The following EVA1A variants were observed in gnomAD, a reference collection of about 807,000 sequenced individuals.
The protein encoded by EVA1A is eva-1 homolog A, regulator of programmed cell death, also known as protein eva-1 homolog A.
EVA1A carries 7 observed loss-of-function variants against 9.8 expected under a neutral mutation model. The observed-to-expected ratio is 0.71, with a 90% CI of 0.41 to 1.34. The LOEUF (loss-of-function observed/expected upper bound fraction) is 1.34, where lower values mean the gene tolerates loss of function less well. Among genes scored for constraint, EVA1A ranks in the 40% most tolerant of loss-of-function variants. The pLI is 0.01. For synonymous variants in EVA1A, 90 were observed against 85.6 expected (o/e 1.05, Z -0.28); for missense variants, 206 against 205.9 (o/e 1.00, Z 0.00).
At chr2:75,534,036 T>C (rs1675782421) in intron 1 of EVA1A, among the ~76,000 whole-genome samples, 1 of 151,936 alleles carries the variant, frequency 6.6e-6, no homozygotes, top group African/African-American at 2.4e-5. Flanking sequence ...ATGGTCTCGA[T>C]CTCCTGACTT....
rs779829273 is a variant in EVA1A, at chr2:75,493,245, G to A, written c.450C>T (p.Arg150=). The A allele has an allele frequency of 2.5e-6, 4 of 1,611,514 alleles. No homozygotes were observed. Among genetic ancestry groups the A allele is most frequent in the Non-Finnish European group, 3.4e-6 (4 of 1,178,672 alleles). ...GGGGTCCTGCTGCTCCCTAATAGTAGCGATTCAGGCTCCTGGTCCCGGGCA... is the reference window on the plus strand; with the variant it reads ...GGGGTCCTGCTGCTCCCTAATAGTAACGATTCAGGCTCCTGGTCCCGGGCA... ...PEVPGTRSLN[R]YY is the part of the protein sequence containing the mutation. Residue 150 remains arginine, a synonymous_variant, in exon 4 of 4, where the codon CGC becomes CGT. Transcript: ENST00000393913.
chr2:75,543,517 GA>G (rs796911668), intron 1 of EVA1A, among the ~76,000 whole-genome samples: 2 of 147,670 alleles, frequency 1.4e-5, no homozygotes, highest in African/African-American at 2.5e-5. Flanking sequence ...GTGAGTGGGT[GA>G]AAAAAAAACA....
chr2:75,499,758 C>T (rs1475750758), intron 3 of EVA1A, among the ~76,000 whole-genome samples: 1 of 152,138 alleles, frequency 6.6e-6, no homozygotes, highest in Non-Finnish European at 1.5e-5. Context: ...TCAGGGAGCC[C>T]AGGTTGCTGC....
At chr2:75,527,532 C>A (rs73938947) in intron 1 of EVA1A, among the ~76,000 whole-genome samples, 1 of 152,204 alleles carries the variant, frequency 6.6e-6, no homozygotes. Flanking sequence ...GAACTCCCAT[C>A]CCCATCCAGC....
upstream of EVA1A, among the ~76,000 whole-genome samples, chr2:75,561,802 G>A (rs1348238936): frequency 6.6e-6 from 1 of 152,172 alleles, no homozygotes; most frequent in Non-Finnish European, 1.5e-5. Context: ...GGAACAGGGA[G>A]GAAAATATTG....
In EVA1A at chr2:75,493,462, C is replaced by G; in HGVS notation, c.233G>C (p.Ser78Thr). The G allele has an allele frequency of 6.2e-7, 1 of 1,614,256 alleles. No individual in the cohort carries two copies. Among genetic ancestry groups the G allele is most frequent in the East Asian group, 2.2e-5 (1 of 44,884 alleles). Residue 78 changes from serine to threonine, a missense_variant, in exon 4 of 4, where the codon AGC (serine) becomes ACC (threonine). Transcript: ENST00000393913. ...GKKFLQDRESSSDSSDSEDGS... is the reference protein window; with the variant it reads ...GKKFLQDRESTSDSSDSEDGS... ...ATCCTCGCTGTCGCTGCTGTCGCTG[C>G]TGCTCTCTCTGTCCTGCAGGAACTT... is the stretch of plus-strand genomic sequence containing the variant.
intron 1 of EVA1A, among the ~76,000 whole-genome samples, chr2:75,525,493 G>C (rs1381581584): frequency 2.0e-5 from 3 of 152,212 alleles, no homozygotes; most frequent in Admixed American, 6.5e-5. Flanking sequence ...TCAGCTTTGT[G>C]CTTCTAACGA....
At chr2:75,569,080 C>G (rs1677078858) in intron 1 of EVA1A, among the ~76,000 whole-genome samples, 1 of 152,180 alleles carries the variant, frequency 6.6e-6, no homozygotes, top group African/African-American at 2.4e-5. Context: ...ACTTTCCCAT[C>G]AGCAGTGTAA....
intron 1 of EVA1A, among the ~76,000 whole-genome samples, chr2:75,544,234 C>T (rs1337818959): frequency 1.3e-5 from 2 of 152,208 alleles, no homozygotes; most frequent in Non-Finnish European, 2.9e-5. Flanking sequence ...AGCAAGTACA[C>T]TACCATCACC....
In EVA1A at chr2:75,530,892, G is replaced by A. The variant is rs182727785; in HGVS notation, c.-191-8405C>T. 1.6e-3 allele frequency among the ~76,000 whole-genome samples: 246 copies of A among 151,450 alleles called. 2 individuals are homozygous for A. Among genetic ancestry groups the A allele is most frequent in the Non-Finnish European group, 2.7e-3 (186 of 67,822 alleles). The stretch of plus-strand genomic sequence containing the variant: ...ACTTCAATTAAACATAGTACTGGAA[G>A]TCCTAGCCAGAGCAATCAGAAACAG... On this transcript the variant is annotated intron_variant, in intron 1 of 3. Transcript: ENST00000393913.
chr2:75,544,961 A>G (rs1676275834), intron 1 of EVA1A, among the ~76,000 whole-genome samples: 1 of 152,230 alleles, frequency 6.6e-6, no homozygotes, highest in Admixed American at 6.5e-5. Context: ...GAATGTCATG[A>G]GGCTACAGTG....
chr2:75,527,942 A>G (rs1675510402), intron 1 of EVA1A, among the ~76,000 whole-genome samples: 3 of 152,228 alleles, frequency 2.0e-5, no homozygotes, highest in Admixed American at 1.3e-4. Flanking sequence ...AGGGGAGGAA[A>G]GTCTGCCTCT....
Position 75,510,342 on chromosome 2 carries a change from G to T in EVA1A, c.85+7714C>A, listed in dbSNP as rs184292581. 4.6e-5 allele frequency among the ~76,000 whole-genome samples: 7 copies of T among 152,224 alleles called. No homozygotes were observed. The East Asian group carries it at 1.3e-3, about 29-fold the overall frequency. ...TATATTCATTCTATAAACATTTACT[G>T]CAAGTCTCCAATGCCTTGGGCATAG... On this transcript the variant is annotated intron_variant, in intron 3 of 3. Transcript: ENST00000393913.
upstream of EVA1A, among the ~76,000 whole-genome samples, chr2:75,564,711 C>T (rs1676994641): frequency 6.6e-6 from 1 of 152,204 alleles, no homozygotes; most frequent in Non-Finnish European, 1.5e-5. Context: ...CTGAGCACCA[C>T]CGATCAGCTA....
At chr2:75,550,071 C>T (rs1169170751) in intron 1 of EVA1A, among the ~76,000 whole-genome samples, 1 of 152,076 alleles carries the variant, frequency 6.6e-6, no homozygotes, top group African/African-American at 2.4e-5. Flanking sequence ...TGTCTTTGCC[C>T]CTAGATAAAA....
intron 2 of EVA1A, among the ~76,000 whole-genome samples, chr2:75,519,121 G>A (rs1675142664): frequency 6.6e-6 from 1 of 152,188 alleles, no homozygotes; most frequent in Admixed American, 6.5e-5. Context: ...CACAAGCCTG[G>A]CATTAGCATT....
upstream of EVA1A, among the ~76,000 whole-genome samples, chr2:75,562,643 A>T (rs1190874166): frequency 6.6e-6 from 1 of 152,234 alleles, no homozygotes; most frequent in East Asian, 1.9e-4. Context: ...ATCTGTAAAA[A>T]GAATACATAC....
In EVA1A at chr2:75,493,368, C is replaced by G; in HGVS notation, c.327G>C (p.Lys109Asn). The G allele has an allele frequency of 6.2e-7, 1 of 1,614,260 alleles. No individual in the cohort carries two copies. Among genetic ancestry groups the G allele is most frequent in the Non-Finnish European group, 8.5e-7 (1 of 1,180,044 alleles). ...RHRRFERTLN[K>N]NVFTSAEELE... Reference sequence around the variant, plus strand: ...GCTCCTCCGCAGAGGTGAACACATTCTTGTTCAAAGTCCTCTCGAAGCGGC... The same window carrying G: ...GCTCCTCCGCAGAGGTGAACACATTGTTGTTCAAAGTCCTCTCGAAGCGGC... The change falls in exon 4 of 4, where the codon AAG becomes AAC. Residue 109 changes from lysine to asparagine, a missense_variant. Lys to Asn is a moderately conservative substitution (Grantham distance 94). Coordinates refer to ENST00000393913, the MANE Select transcript of EVA1A (RefSeq NM_001135032.2).
chr2:75,537,087 C>T lies in EVA1A; in HGVS notation c.-191-14600G>A, dbSNP rs537014654. Reference sequence around the variant, plus strand: ...AATATTAGCAAGTAGAATTCAGGAACGTATAAAAAGGATTTTTTTTCGTAA... The same window carrying T: ...AATATTAGCAAGTAGAATTCAGGAATGTATAAAAAGGATTTTTTTTCGTAA... On this transcript the variant is annotated intron_variant, in intron 1 of 3. Coordinates refer to ENST00000393913, the MANE Select transcript of EVA1A (RefSeq NM_001135032.2). 1.1e-4 allele frequency among the ~76,000 whole-genome samples: 17 copies of T among 152,098 alleles called. 1 individual carries two copies. The South Asian group carries it at 2.9e-3, about 26-fold the overall frequency.
Sources: gnomAD v4.1 joint callset for allele counts (sites outside exome capture counted in the v4.1 genomes callset) on GRCh38, gnomAD v4.1.1 for gene constraint, MANE v1.5 for transcripts, NCBI Gene and HGNC (gene_info 2026-07-23, HGNC 2026-07-21) for gene names.